The following GSKIP variants were observed in gnomAD, a reference collection of about 807,000 sequenced individuals.
The protein encoded by GSKIP is GSK3B-interacting protein.
In GSKIP, 5 loss-of-function variants were observed where a neutral mutation model predicts 11.9. The ratio of observed to expected loss-of-function variants is 0.42; its 90% CI spans 0.22 to 0.89. The LOEUF (loss-of-function observed/expected upper bound fraction) is 0.89, where lower values mean the gene tolerates loss of function less well. GSKIP is among the 40% of genes least tolerant of loss of function. The pLI, the probability that GSKIP is intolerant of heterozygous loss-of-function variation, is 0.29. For synonymous variants in GSKIP, 70 were observed against 62.9 expected, an observed-to-expected ratio of 1.11 and a Z score of -0.54; for missense variants, 150 against 166.6, an observed-to-expected ratio of 0.90 and a Z score of 0.55.
intron 1 of GSKIP, among the ~76,000 whole-genome samples, chr14:96,365,768 A>G (rs1888864234): frequency 6.6e-6 from 1 of 151,930 alleles, no homozygotes; most frequent in Non-Finnish European, 1.5e-5. Flanking sequence ...CGAGAGGCGG[A>G]GGTTGCAGTG....
chr14:96,386,810 G>A lies in GSKIP; in HGVS notation c.*1126G>A, dbSNP rs1167923204. 6.6e-6 allele frequency: 1 copy of A among 152,614 alleles called. No homozygotes were observed. Among genetic ancestry groups the A allele is most frequent in the Non-Finnish European group, 1.5e-5 (1 of 68,034 alleles). The allele number at this position is 152,614 out of a possible 1,614,324, so 9.5% of individuals were successfully genotyped here. A position where few individuals can be genotyped will look rare whatever the true frequency, so the allele number is the denominator to read the frequency against. On this transcript the variant is annotated 3_prime_UTR_variant, in exon 4 of 4. Transcript: ENST00000555181. ...ATTTAATAAACTGTACCATGCTGCT[G>A]CATGTTTTCAAGTACATGTTGAACA...
intron 1 of GSKIP, chr14:96,364,781 G>C (rs182575363): frequency 6.6e-6 from 1 of 152,202 alleles, no homozygotes; most frequent in African/African-American, 2.4e-5. Flanking sequence ...GAATCAGGCC[G>C]AACCTTCAAG....
chr14:96,385,475 T>C (rs1889464180), intron 3 of GSKIP, 48 bp from the exon 4 acceptor site: 1 of 1,518,572 alleles, frequency 6.6e-7, no homozygotes, highest in South Asian at 1.2e-5. Flanking sequence ...TTTTGCTTTC[T>C]GTACCAACAT....
At chr14:96,372,039 A>G (rs937325372) in intron 1 of GSKIP, among the ~76,000 whole-genome samples, 16 of 152,346 alleles carry the variant, frequency 1.1e-4, no homozygotes, top group Admixed American at 9.8e-4. Flanking sequence ...GGTATAATCT[A>G]AAGAGGATGT....
At chr14:96,380,115 A>G (rs946783328) in intron 2 of GSKIP, 1 of 152,202 alleles carries the variant, frequency 6.6e-6, no homozygotes. Context: ...TAATAAGTCA[A>G]TTTGAGCTTT....
intron 1 of GSKIP, among the ~76,000 whole-genome samples, chr14:96,373,548 TCTAA>T (rs367797699): frequency 4.6e-5 from 7 of 152,192 alleles, no homozygotes; most frequent in Admixed American, 1.3e-4. Context: ...TTCTATAATT[TCTAA>T]CTGTGAGTGT....
intron 1 of GSKIP, among the ~76,000 whole-genome samples, chr14:96,373,072 A>G (rs954771331): frequency 2.0e-5 from 3 of 152,094 alleles, no homozygotes; most frequent in Admixed American, 1.3e-4. Flanking sequence ...TATACTAAAA[A>G]TACAAAGATT....
intron 1 of GSKIP, chr14:96,365,284 G>A (rs535518432): frequency 2.0e-5 from 3 of 151,942 alleles, no homozygotes; most frequent in South Asian, 4.2e-4. Flanking sequence ...AAATTCTCTT[G>A]TTTAATAAGA....
At chr14:96,371,581 A>G (rs1368060859) in intron 1 of GSKIP, among the ~76,000 whole-genome samples, 1 of 151,382 alleles carries the variant, frequency 6.6e-6, no homozygotes. Flanking sequence ...AGTAGCTGGG[A>G]TTATAGGCAC....
chr14:96,384,093 CTG>C (rs1287017515), intron 3 of GSKIP, among the ~76,000 whole-genome samples: 2 of 152,118 alleles, frequency 1.3e-5, no homozygotes, highest in African/African-American at 4.8e-5. Flanking sequence ...GATTATATGA[CTG>C]TATGATACAG....
intron 2 of GSKIP, among the ~76,000 whole-genome samples, chr14:96,382,029 G>A (rs1315511650): frequency 6.6e-6 from 1 of 152,156 alleles, no homozygotes; most frequent in Non-Finnish European, 1.5e-5. Flanking sequence ...GGGGTAAGTG[G>A]AGAAGGGAGA....
At chr14:96,365,185 A>C (rs1300051894) in intron 1 of GSKIP, 1 of 151,982 alleles carries the variant, frequency 6.6e-6, no homozygotes, top group Non-Finnish European at 1.5e-5. Context: ...TGTGGTGATA[A>C]GGGCTGTTGG....
At chr14:96,371,847 A>C (rs1889057860) in intron 1 of GSKIP, among the ~76,000 whole-genome samples, 1 of 152,186 alleles carries the variant, frequency 6.6e-6, no homozygotes, top group African/African-American at 2.4e-5. Context: ...CTAACCTTGT[A>C]TCCTTTTACC....
chr14:96,376,867 A>C (rs1889217160), intron 1 of GSKIP, among the ~76,000 whole-genome samples: 1 of 152,234 alleles, frequency 6.6e-6, no homozygotes, highest in South Asian at 2.1e-4. Flanking sequence ...TAAACTTAGA[A>C]TCCAAGTAGA....
chr14:96,374,564 CT>C (rs1225501721), intron 1 of GSKIP, among the ~76,000 whole-genome samples: 1 of 152,150 alleles, frequency 6.6e-6, no homozygotes, highest in Non-Finnish European at 1.5e-5. Context: ...GACACAGGCT[CT>C]TACTATTTTG....
At chr14:96,383,781 A>G (rs2139945116) in intron 3 of GSKIP, among the ~76,000 whole-genome samples, 1 of 152,356 alleles carries the variant, frequency 6.6e-6, no homozygotes, top group South Asian at 2.1e-4. Flanking sequence ...TAGTACCTGA[A>G]TTAACTAATT....
At chr14:96,380,224 C>T (rs1229613473) in intron 2 of GSKIP, 2 of 152,136 alleles carry the variant, frequency 1.3e-5, no homozygotes, top group East Asian at 1.9e-4. Context: ...CTGTGAGAGA[C>T]GAGATAAAGA....
At chr14:96,375,731 T>C (rs1459378298) in intron 1 of GSKIP, among the ~76,000 whole-genome samples, 4 of 152,194 alleles carry the variant, frequency 2.6e-5, no homozygotes, top group Non-Finnish European at 5.9e-5. Context: ...CACGCCCGGC[T>C]TGAAATTTAT....
chr14:96,369,437 C>T (rs1249779781), intron 1 of GSKIP, among the ~76,000 whole-genome samples: 1 of 152,148 alleles, frequency 6.6e-6, no homozygotes, highest in African/African-American at 2.4e-5. Flanking sequence ...GGAAAAGGCC[C>T]TCAAGGTATT....
Sources: gnomAD v4.1 joint callset for allele counts (sites outside exome capture counted in the v4.1 genomes callset) on GRCh38, gnomAD v4.1.1 for gene constraint, MANE v1.5 for transcripts, NCBI Gene and HGNC (gene_info 2026-07-23, HGNC 2026-07-21) for gene names.